The following MEGF8 variants were observed in gnomAD, a reference collection of about 807,000 sequenced individuals.
MEGF8 encodes the protein multiple epidermal growth factor-like domains protein 8.
MEGF8 carries 156 observed loss-of-function variants against 302.9 expected under a neutral mutation model. That is an observed-to-expected ratio of 0.52 (90% CI 0.45 to 0.59). MEGF8 has a LOEUF of 0.59. Ranked by LOEUF, MEGF8 falls within the 20% of genes least tolerant of loss-of-function variation. The pLI is 0.00. For missense variants in MEGF8, 3,345 were observed against 3,964.5 expected (o/e 0.84, Z 4.20); for synonymous variants, 1,621 against 1,660.5 (o/e 0.98, Z 0.58).
chr19:42,335,887 C>T (rs2039120650), intron 5 of MEGF8, 44 bp from the exon 6 acceptor site: 3 of 1,434,520 alleles, frequency 2.1e-6, no homozygotes, highest in Non-Finnish European at 2.7e-6. Flanking sequence ...GGCTCTGGCT[C>T]TCTTGCTGTG....
At chr19:42,364,361 A>G (rs2039575311) in intron 35 of MEGF8, among the ~76,000 whole-genome samples, 1 of 152,070 alleles carries the variant, frequency 6.6e-6, no homozygotes, top group African/African-American at 2.4e-5. Context: ...AAGCAATGTC[A>G]CTCAGCCAGA....
Position 42,351,394 on chromosome 19 carries a change from T to C in MEGF8, c.2856-35T>C. The C allele has an allele frequency of 6.3e-7, 1 of 1,577,998 alleles. No homozygotes were observed. The highest frequency in any genetic ancestry group is 8.6e-7 in the Non-Finnish European group (1 of 1,162,200). ...GATGTGCCTGGGGATGTGTGCTGGC[T>C]GTGGAGTGACCTGGCCCCCTGCTCC... On this transcript the variant is annotated intron_variant, in intron 16 of 41. Transcript: ENST00000251268. This position sits in a 1 kb window ranked among gnomAD's most constrained non-coding sequence, Gnocchi z 5.6.
intron 33 of MEGF8, 39 bp from the exon 34 acceptor site, chr19:42,362,345 G>A: frequency 6.2e-7 from 1 of 1,612,640 alleles, no homozygotes; most frequent in Admixed American, 1.7e-5. Context: ...GCTCAGGAGG[G>A]GTGCTGAGGG....
chr19:42,352,536 G>T lies in MEGF8; in HGVS notation c.3350+80G>T. 6.8e-7 allele frequency: 1 copy of T among 1,478,322 alleles called. No individual in the cohort carries two copies. The highest frequency in any genetic ancestry group is 9.1e-7 in the Non-Finnish European group (1 of 1,103,442). 91.6% of individuals were successfully genotyped at this position (1,478,322 alleles called of 1,614,324 possible). A position where few individuals can be genotyped will look rare whatever the true frequency, so the allele number is the denominator to read the frequency against. On this transcript the variant is annotated intron_variant, in intron 19 of 41. Coordinates refer to ENST00000251268, the MANE Select transcript of MEGF8 (RefSeq NM_001271938.2). This position sits in a 1 kb window ranked among gnomAD's most constrained non-coding sequence, Gnocchi z 4.4. ...GGTGGAGGGAGGAAGCCATCATGGCGCTGGGTCCCCTCCTGTGGAACCAGC... is the reference window on the plus strand; with the variant it reads ...GGTGGAGGGAGGAAGCCATCATGGCTCTGGGTCCCCTCCTGTGGAACCAGC...
In MEGF8 at chr19:42,375,991, C is replaced by T; in HGVS notation, c.7754C>T (p.Ala2585Val). ...ITYVTVTEPS[A>V]VLVVRGVRDR... ...TACGTGACGGTGACGGAGCCGTCGG[C>T]AGTGCTGGTGGTCCGCGGCGTGCGG... Residue 2585 changes from alanine (A) to valine (V), a missense_variant, in exon 42 of 42, where the codon GCA becomes GTA. Coordinates refer to ENST00000251268, the MANE Select transcript of MEGF8 (RefSeq NM_001271938.2). This position sits in a 1 kb window ranked among gnomAD's most constrained non-coding sequence, Gnocchi z 7.1. 2 of 1,607,124 alleles carry T rather than the reference C, an allele frequency of 1.2e-6. No individual in the cohort carries two copies. Among genetic ancestry groups the T allele is most frequent in the Non-Finnish European group, 1.7e-6 (2 of 1,178,094 alleles).
At position 42,337,224 on chromosome 19, in the gene MEGF8, T is replaced by C. The variant is rs762580971; in HGVS notation, c.1513+18T>C. On this transcript the variant is annotated intron_variant, in intron 8 of 41. Coordinates refer to ENST00000251268, the MANE Select transcript of MEGF8 (RefSeq NM_001271938.2). ...CCCTGAGGGTGAGTGGTCCCTGTTCTTCCCTAGGGGCTCCTGAGGGTCCCA... is the reference window on the plus strand; with the variant it reads ...CCCTGAGGGTGAGTGGTCCCTGTTCCTCCCTAGGGGCTCCTGAGGGTCCCA... 1 of 1,612,896 alleles carries C rather than the reference T, an allele frequency of 6.2e-7. No individual in the cohort carries two copies. Among genetic ancestry groups the C allele is most frequent in the South Asian group, 1.1e-5 (1 of 91,034 alleles).
intron 38 of MEGF8, 92 bp from the exon 39 acceptor site, chr19:42,370,097 G>C (rs377384391): frequency 7.1e-7 from 1 of 1,399,148 alleles, no homozygotes; most frequent in Non-Finnish European, 9.7e-7. Context: ...CTGCCCTCCC[G>C]TGGGCTCTCA....
Position 42,356,495 on chromosome 19 carries a change from A to G in MEGF8, c.4622+42A>G. 2 of 1,466,322 alleles carry G rather than the reference A, an allele frequency of 1.4e-6. No individual in the cohort carries two copies. Among genetic ancestry groups the G allele is most frequent in the Non-Finnish European group, 1.8e-6 (2 of 1,086,544 alleles). The allele number at this position is 1,466,322 out of a possible 1,614,324, so 90.8% of individuals were successfully genotyped here. A position where few individuals can be genotyped will look rare whatever the true frequency, so the allele number is the denominator to read the frequency against. ...GCAGGTGGGATTCGCAAATAAGAGA[A>G]GGTCACCTCGGGATGCTAAGAGTCA... On this transcript the variant is annotated intron_variant, in intron 26 of 41. Coordinates refer to ENST00000251268, the MANE Select transcript of MEGF8 (RefSeq NM_001271938.2). This position sits in a 1 kb window ranked among gnomAD's most constrained non-coding sequence, Gnocchi z 5.2.
chr19:42,364,358 G>A (rs905095226), intron 35 of MEGF8, among the ~76,000 whole-genome samples: 10 of 152,158 alleles, frequency 6.6e-5, no homozygotes, highest in African/African-American at 1.9e-4. Flanking sequence ...TGGAAGCAAT[G>A]TCACTCAGCC....
At position 42,369,581 on chromosome 19, in the gene MEGF8, C is replaced by G. The variant is rs1568576231; in HGVS notation, c.6692C>G (p.Ser2231Ter). The change falls in exon 38 of 42, where the codon TCA (serine) becomes TGA (stop). Residue 2231 changes from serine to a stop codon, truncating the protein, a stop_gained. Transcript: ENST00000251268. LOFTEE classifies it high-confidence loss of function. The surrounding 1 kb of genome is among the most constrained non-coding windows in gnomAD (Gnocchi z 5.7). ...PVCAQGCVNG[S>*]CVEPDHCRCH... Reference sequence around the variant, plus strand: ...TGCGCCCAGGGCTGCGTGAACGGCTCATGTGTGGAGCCCGACCACTGCCGC... The same window carrying G: ...TGCGCCCAGGGCTGCGTGAACGGCTGATGTGTGGAGCCCGACCACTGCCGC... The G allele has an allele frequency of 1.2e-6, 2 of 1,612,256 alleles. No individual in the cohort carries two copies. Among genetic ancestry groups the G allele is most frequent in the Non-Finnish European group, 1.7e-6 (2 of 1,179,794 alleles).
rs1207598571 is a variant in MEGF8 at position 42,326,303 on chromosome 19, G to T, written c.60G>T (p.Ser20=). Residue 20 remains serine (S), a synonymous_variant, in exon 1 of 42, where the codon TCG becomes TCT. Coordinates refer to ENST00000251268, the MANE Select transcript of MEGF8 (RefSeq NM_001271938.2). ...ALVLALAVLG[S]LSPGARAGDC... is the part of the protein sequence containing the mutation. ...TTTTGGCCTTGGCCGTGCTGGGGTCGCTGTCCCCTGGGGCCCGGGCGGGGG... is the reference window on the plus strand; with the variant it reads ...TTTTGGCCTTGGCCGTGCTGGGGTCTCTGTCCCCTGGGGCCCGGGCGGGGG... 3 of 1,560,152 alleles carry T rather than the reference G, an allele frequency of 1.9e-6. No homozygotes were observed. Among genetic ancestry groups the T allele is most frequent in the Non-Finnish European group, 2.6e-6 (3 of 1,160,610 alleles).
Position 42,348,380 on chromosome 19 carries a change from G to A in MEGF8, c.2206G>A (p.Gly736Arg), listed in dbSNP as rs1001482515. 8 of 1,537,366 alleles carry A rather than the reference G, an allele frequency of 5.2e-6. No homozygotes were observed. The highest frequency in any genetic ancestry group is 7.0e-6 in the Non-Finnish European group (8 of 1,146,908). Residue 736 changes from glycine to arginine, a missense_variant, in exon 13 of 42, where the codon GGA becomes AGA. Transcript: ENST00000251268. Reference sequence around the variant, plus strand: ...CCCAATGCTGCCTGGAGGGCCAGGTGGACCAGGGGCTGAGGACGTGGCCGT... The same window carrying A: ...CCCAATGCTGCCTGGAGGGCCAGGTAGACCAGGGGCTGAGGACGTGGCCGT... ...IYPMLPGGPG[G>R]PGAEDVAVWT...
In MEGF8 at chr19:42,368,342, G is replaced by T; in HGVS notation, c.6274-113G>T. Reference sequence around the variant, plus strand: ...ACTTTGCTCTACCTGTGGCCAGGGAGGGGTGAGACCTCAAAGAGGGTGTGG... The same window carrying T: ...ACTTTGCTCTACCTGTGGCCAGGGATGGGTGAGACCTCAAAGAGGGTGTGG... On this transcript the variant is annotated intron_variant, in intron 35 of 41. Transcript: ENST00000251268. This position sits in a 1 kb window ranked among gnomAD's most constrained non-coding sequence, Gnocchi z 4.9. 1 of 911,654 alleles carries T rather than the reference G, an allele frequency of 1.1e-6. No individual in the cohort carries two copies. The highest frequency in any genetic ancestry group is 1.6e-6 in the Non-Finnish European group (1 of 611,266). 56.5% of individuals were successfully genotyped at this position (911,654 alleles called of 1,614,324 possible).
At position 42,326,322 on chromosome 19, in the gene MEGF8, G is replaced by A. The variant is rs760987793; in HGVS notation, c.79G>A (p.Ala27Thr). ...GGGGTCGCTGTCCCCTGGGGCCCGG[G>A]CGGGGGACTGCAAGGGGCAGCGGCA... ...VLGSLSPGAR[A>T]GDCKGQRQVL... Residue 27 changes from alanine (A) to threonine (T), a missense_variant, in exon 1 of 42, where the codon GCG becomes ACG. By Grantham distance (58) the Ala-to-Thr change is moderately conservative (BLOSUM62 0). Transcript: ENST00000251268. 1 of 1,569,256 alleles carries A rather than the reference G, an allele frequency of 6.4e-7. No homozygotes were observed. Among genetic ancestry groups the A allele is most frequent in the Non-Finnish European group, 8.6e-7 (1 of 1,163,594 alleles).
intron 8 of MEGF8, among the ~76,000 whole-genome samples, chr19:42,339,753 A>C (rs561273273): frequency 6.6e-6 from 1 of 152,334 alleles, no homozygotes; most frequent in South Asian, 2.1e-4. Flanking sequence ...CCCAAACAAC[A>C]ATCTGTATAA....
chr19:42,375,613 C>G lies in MEGF8; in HGVS notation c.7376C>G (p.Thr2459Ser). The G allele has an allele frequency of 6.2e-7, 1 of 1,606,724 alleles. No individual in the cohort carries two copies. The highest frequency in any genetic ancestry group is 1.3e-5 in the African/African-American group (1 of 74,872). Residue 2459 changes from threonine to serine, a missense_variant, in exon 42 of 42, where the codon ACC becomes AGC. Thr to Ser is a moderately conservative substitution (Grantham distance 58). Transcript: ENST00000251268. The surrounding 1 kb of genome is among the most constrained non-coding windows in gnomAD (Gnocchi z 7.1). ...TGCTGCCTGGACCCCACGTCCCAGA[C>G]CAACTGCTTCCATGAGCCCAAACGC... ...QECCLDPTSQ[T>S]NCFHEPKRRA...
chr19:42,354,577 C>A lies in MEGF8; in HGVS notation c.4012-11C>A. ...CATTGTCTCCTAATCCTCGATTCTG[C>A]ACCCCTCTAGCTGAGCTACGTCCTG... On this transcript the variant is annotated splice_polypyrimidine_tract_variant and intron_variant, in intron 22 of 41. Coordinates refer to ENST00000251268, the MANE Select transcript of MEGF8 (RefSeq NM_001271938.2). The surrounding 1 kb of genome is among the most constrained non-coding windows in gnomAD (Gnocchi z 4.3). 2 of 1,607,620 alleles carry A rather than the reference C, an allele frequency of 1.2e-6. No homozygotes were observed. The highest frequency in any genetic ancestry group is 8.5e-7 in the Non-Finnish European group (1 of 1,175,894).
chr19:42,359,755 G>GCT (rs1461792750), intron 31 of MEGF8, among the ~76,000 whole-genome samples: 2 of 151,980 alleles, frequency 1.3e-5, no homozygotes, highest in Non-Finnish European at 2.9e-5. Flanking sequence ...TGCTATCTTG[G>GCT]CTCACTGTAG....
Position 42,354,701 on chromosome 19 carries a change from C to A in MEGF8, c.4125C>A (p.Leu1375=). Residue 1375 remains leucine (L), a synonymous_variant, in exon 23 of 42, where the codon CTC becomes CTA. Transcript: ENST00000251268. The surrounding 1 kb of genome is among the most constrained non-coding windows in gnomAD (Gnocchi z 4.3). ...GCGGCCAGCGACGGGACAGGCCCCT[C>A]ACTGTTCAGGCCCTGTCTGGTACGG... ...AFCGQRRDRP[L]TVQALSGLLV... 6.2e-7 allele frequency: 1 copy of A among 1,607,856 alleles called. No individual in the cohort carries two copies. Among genetic ancestry groups the A allele is most frequent in the Non-Finnish European group, 8.5e-7 (1 of 1,179,524 alleles).
Sources: allele counts gnomAD v4.1 joint callset (sites outside exome capture counted in the v4.1 genomes callset), GRCh38; gene constraint gnomAD v4.1.1; non-coding constraint Gnocchi (gnomAD v3.1); transcripts MANE v1.5; gene names NCBI Gene and HGNC (gene_info 2026-07-23, HGNC 2026-07-21).